Variants in CAP2 observed in about 807,000 individuals in gnomAD.
CAP2 encodes the protein cyclase associated actin cytoskeleton regulatory protein 2.
In CAP2, 24 loss-of-function variants were observed where a neutral mutation model predicts 57.7. That is an observed-to-expected ratio of 0.42 (90% CI 0.30 to 0.58). CAP2 has a LOEUF of 0.58. Ranked by LOEUF, CAP2 falls within the 20% of genes least tolerant of loss-of-function variation. The pLI is 0.22. For synonymous variants in CAP2, 194 were observed against 207.2 expected, an observed-to-expected ratio of 0.94 and a Z score of 0.55; for missense variants, 501 against 590.3, an observed-to-expected ratio of 0.85 and a Z score of 1.57.
intron 7 of CAP2, among the ~76,000 whole-genome samples, chr6:17,526,102 A>C (rs1762499203): frequency 6.6e-6 from 1 of 151,564 alleles, no homozygotes; most frequent in Admixed American, 6.6e-5. Context: ...GTTTTTCAAA[A>C]GCTGCATGAA....
At chr6:17,479,717 T>C (rs1761240124) in intron 4 of CAP2, among the ~76,000 whole-genome samples, 1 of 150,100 alleles carries the variant, frequency 6.7e-6, no homozygotes, top group Non-Finnish European at 1.5e-5. Flanking sequence ...GTTCACGCCA[T>C]TCTCCTGCCT....
At chr6:17,454,928 A>T (rs1760516696) in intron 3 of CAP2, among the ~76,000 whole-genome samples, 1 of 151,852 alleles carries the variant, frequency 6.6e-6, no homozygotes, top group South Asian at 2.1e-4. Flanking sequence ...CCCGTCACTT[A>T]AAAAAAATGC....
At chr6:17,538,744 G>A (rs112518820) in intron 7 of CAP2, among the ~76,000 whole-genome samples, 1 of 152,142 alleles carries the variant, frequency 6.6e-6, no homozygotes, top group African/African-American at 2.4e-5. Flanking sequence ...TTTGCAGCAG[G>A]CATATTTGGA....
At chr6:17,423,569 A>C (rs942787671) in intron 2 of CAP2, among the ~76,000 whole-genome samples, 2 of 152,206 alleles carry the variant, frequency 1.3e-5, no homozygotes, top group African/African-American at 4.8e-5. Flanking sequence ...CTGTGAATAC[A>C]CAAAACAAAG....
intron 4 of CAP2, among the ~76,000 whole-genome samples, chr6:17,468,386 C>G (rs537828421): frequency 6.6e-6 from 1 of 152,336 alleles, no homozygotes; most frequent in East Asian, 1.9e-4. Context: ...TACTTTACCA[C>G]CCAGTTTCAC....
intron 11 of CAP2, among the ~76,000 whole-genome samples, chr6:17,546,454 A>G (rs186063820): frequency 6.6e-6 from 1 of 152,202 alleles, no homozygotes. Context: ...GCCCTTTGTC[A>G]GATGAGTAGA....
intron 3 of CAP2, among the ~76,000 whole-genome samples, chr6:17,443,732 CAG>C: frequency 6.6e-6 from 1 of 152,306 alleles, no homozygotes; most frequent in East Asian, 1.9e-4. Flanking sequence ...AATGTGTTTG[CAG>C]ATTTATTATA....
rs770860765 is a variant in CAP2 at position 17,551,551 on chromosome 6, G to A, written c.1297G>A (p.Val433Met). 33 of 1,611,722 alleles carry A rather than the reference G, an allele frequency of 2.0e-5. No homozygotes were observed. The highest frequency in any genetic ancestry group is 2.7e-5 in the Non-Finnish European group (32 of 1,178,236). Residue 433 changes from valine (V) to methionine (M), a missense_variant, in exon 12 of 13, where the codon GTG becomes ATG. Transcript: ENST00000229922. ...LSEDALDCEIVSAKSSEMNIL... is the reference protein window; with the variant it reads ...LSEDALDCEIMSAKSSEMNIL... ...TGAAGATGCATTAGACTGTGAGATC[G>A]TGAGCGCCAAGTCATCTGAAATGAA...
At chr6:17,500,395 A>G (rs1285285142) in intron 4 of CAP2, among the ~76,000 whole-genome samples, 3 of 117,828 alleles carry the variant, frequency 2.5e-5, no homozygotes, top group African/African-American at 6.2e-5. Context: ...TTGGAGACGG[A>G]GTCTTGCTGT....
At chr6:17,467,354 T>C (rs1268171662) in intron 4 of CAP2, among the ~76,000 whole-genome samples, 1 of 152,194 alleles carries the variant, frequency 6.6e-6, no homozygotes, top group East Asian at 1.9e-4. Context: ...TCTAAGGTAA[T>C]GAATTTTTAA....
chr6:17,492,495 A>G (rs1761568610), intron 4 of CAP2, among the ~76,000 whole-genome samples: 1 of 152,196 alleles, frequency 6.6e-6, no homozygotes, highest in Non-Finnish European at 1.5e-5. Context: ...GCCGGCGTCC[A>G]AAGTGGCTGG....
chr6:17,405,219 TA>T (rs1262094271), intron 1 of CAP2, among the ~76,000 whole-genome samples: 2 of 151,926 alleles, frequency 1.3e-5, no homozygotes, highest in Non-Finnish European at 2.9e-5. Flanking sequence ...CCAACTCTAC[TA>T]AAAATACAAA....
intron 1 of CAP2, among the ~76,000 whole-genome samples, chr6:17,405,866 A>G (rs1758950801): frequency 6.6e-6 from 1 of 151,888 alleles, no homozygotes; most frequent in African/African-American, 2.4e-5. Context: ...TCAGCTTCCC[A>G]AGTAGCTGGG....
chr6:17,497,813 A>G (rs1158509601), intron 4 of CAP2, among the ~76,000 whole-genome samples: 1 of 152,242 alleles, frequency 6.6e-6, no homozygotes, highest in Non-Finnish European at 1.5e-5. Context: ...TCAAGTATCT[A>G]TCAGAACAAC....
intron 1 of CAP2, among the ~76,000 whole-genome samples, chr6:17,409,625 A>G (rs530791004): frequency 6.6e-6 from 1 of 152,236 alleles, no homozygotes; most frequent in East Asian, 1.9e-4. Flanking sequence ...TATTGGGTAG[A>G]TAATACTTAT....
chr6:17,412,513 T>C (rs1759164312), intron 1 of CAP2, among the ~76,000 whole-genome samples: 1 of 152,136 alleles, frequency 6.6e-6, no homozygotes, highest in Non-Finnish European at 1.5e-5. Flanking sequence ...AAATTAAGAT[T>C]CTCTAATCCC....
At chr6:17,511,574 C>T (rs571430026) in intron 6 of CAP2, among the ~76,000 whole-genome samples, 1 of 152,284 alleles carries the variant, frequency 6.6e-6, no homozygotes, top group African/African-American at 2.4e-5. Flanking sequence ...GCCTCAGCCT[C>T]CTGAGTAGCT....
chr6:17,520,902 A>T (rs1369867595), intron 7 of CAP2, among the ~76,000 whole-genome samples: 1 of 152,226 alleles, frequency 6.6e-6, no homozygotes, highest in East Asian at 1.9e-4. Flanking sequence ...AATCAAAGTG[A>T]ATGGGCAGCG....
At chr6:17,510,114 G>GT (rs910140290) in intron 6 of CAP2, among the ~76,000 whole-genome samples, 18 of 151,610 alleles carry the variant, frequency 1.2e-4, no homozygotes, top group East Asian at 7.7e-4. Flanking sequence ...TAAAATTTAA[G>GT]TTTTTTTTTA....
Sources: gnomAD v4.1 joint callset for allele counts (sites outside exome capture counted in the v4.1 genomes callset) on GRCh38, gnomAD v4.1.1 for gene constraint, MANE v1.5 for transcripts, NCBI Gene and HGNC (gene_info 2026-07-23, HGNC 2026-07-21) for gene names.